The following CELF2 variants were observed in gnomAD, a reference collection of about 807,000 sequenced individuals.
The protein encoded by CELF2 is CUG triplet repeat RNA-binding protein 2.
In CELF2, 8 loss-of-function variants were observed where a neutral mutation model predicts 62.6. The ratio of observed to expected loss-of-function variants is 0.13; its 90% CI spans 0.07 to 0.23. The LOEUF is 0.23. Ranked by LOEUF, CELF2 falls within the 10% of genes least tolerant of loss-of-function variation. CELF2 has a pLI of 1.00. For synonymous variants in CELF2, 258 were observed against 250.0 expected, an observed-to-expected ratio of 1.03 and a Z score of -0.30; for missense variants, 333 against 671.0, an observed-to-expected ratio of 0.50 and a Z score of 5.56.
In CELF2 at chr10:11,053,450, T is replaced by C. The variant is rs547825949; in HGVS notation, c.74+35287T>C. On this transcript the variant is annotated intron_variant, in intron 1 of 12. Coordinates refer to ENST00000633077, the MANE Select transcript of CELF2 (RefSeq NM_001326342.2). ...ACAGTCATAATCAGTTTCAAGTATGTGTTGTGGATGGATTAGGGGGAAATA... is the reference window on the plus strand; with the variant it reads ...ACAGTCATAATCAGTTTCAAGTATGCGTTGTGGATGGATTAGGGGGAAATA... 4.6e-5 allele frequency among the ~76,000 whole-genome samples: 7 copies of C among 152,262 alleles called. No individual in the cohort carries two copies. The East Asian group carries it at 1.4e-3, about 29-fold the overall frequency.
At chr10:11,143,511 C>A (rs770793026) in intron 1 of CELF2, among the ~76,000 whole-genome samples, 1 of 152,186 alleles carries the variant, frequency 6.6e-6, no homozygotes, top group Non-Finnish European at 1.5e-5. Context: ...TTCATGCCTT[C>A]CTGACTTCAT....
the CELF2 span, among the ~76,000 whole-genome samples, chr10:10,791,662 A>G: frequency 6.6e-6 from 1 of 152,186 alleles, no homozygotes; most frequent in East Asian, 1.9e-4. Flanking sequence ...ATAATTCTTT[A>G]AAAGTCTCTG....
rs567895570 is a variant in CELF2 at position 11,227,623 on chromosome 10, C to T, written c.354+10116C>T. Among the ~76,000 whole-genome samples the T allele has an allele frequency of 3.9e-5, 6 of 152,254 alleles. 1 individual carries two copies. The South Asian group carries it at 1.0e-3, about 26-fold the overall frequency. ...GCTGTTATCTGCTGTTAGATTCGGC[C>T]GGAATCTAAGGGATAGAGATGTATC... is the stretch of plus-strand genomic sequence containing the variant. On this transcript the variant is annotated intron_variant, in intron 3 of 12. Transcript: ENST00000633077. The surrounding 1 kb of genome is among the most constrained non-coding windows in gnomAD (Gnocchi z 4.8).
At chr10:11,127,884 A>T (rs951228110) in intron 1 of CELF2, among the ~76,000 whole-genome samples, 1 of 152,156 alleles carries the variant, frequency 6.6e-6, no homozygotes, top group African/African-American at 2.4e-5. Context: ...TCCTTAGTTT[A>T]ATTAGATCCC....
chr10:11,099,970 A>C (rs1002528750), intron 1 of CELF2, among the ~76,000 whole-genome samples: 1 of 151,552 alleles, frequency 6.6e-6, no homozygotes, highest in Non-Finnish European at 1.5e-5. Context: ...GGAGGCTCAG[A>C]TGGGCAGATC....
intron 1 of CELF2, among the ~76,000 whole-genome samples, chr10:11,129,273 G>A (rs563863070): frequency 1.2e-3 from 188 of 152,238 alleles, no homozygotes; most frequent in African/African-American, 4.2e-3. Flanking sequence ...TGCTGGATTC[G>A]GTTTGCCAGT....
intron 2 of CELF2, among the ~76,000 whole-genome samples, chr10:10,964,112 A>T (rs1278527295): frequency 1.3e-5 from 2 of 152,232 alleles, no homozygotes; most frequent in Non-Finnish European, 2.9e-5. Context: ...AGAGCAGAGC[A>T]CTATTAAGAT....
At chr10:10,929,529 C>A (rs538467958) in intron 2 of CELF2, 1 of 152,152 alleles carries the variant, frequency 6.6e-6, no homozygotes, top group African/African-American at 2.4e-5. Context: ...AGCAGCCCAG[C>A]GAAGTGATTC....
chr10:11,142,334 T>G (rs896960668), intron 1 of CELF2, among the ~76,000 whole-genome samples: 1 of 152,100 alleles, frequency 6.6e-6, no homozygotes, highest in Non-Finnish European at 1.5e-5. Flanking sequence ...GGGTAAGAAC[T>G]GAAAGTATCA....
the CELF2 span, among the ~76,000 whole-genome samples, chr10:10,609,139 T>C: frequency 4.6e-5 from 7 of 152,220 alleles, no homozygotes; most frequent in Non-Finnish European, 5.9e-5. Context: ...TCTAGTGTAC[T>C]GTGTCATGCC....
intron 9 of CELF2, among the ~76,000 whole-genome samples, chr10:11,292,177 A>G (rs2092614275): frequency 6.6e-6 from 1 of 152,202 alleles, no homozygotes; most frequent in Non-Finnish European, 1.5e-5. Flanking sequence ...CCCATCTTCA[A>G]GGTATCCCCA....
chr10:10,491,872 A>G, the CELF2 span, among the ~76,000 whole-genome samples: 2 of 152,134 alleles, frequency 1.3e-5, no homozygotes, highest in African/African-American at 2.4e-5. Context: ...TACAAGCCCA[A>G]ATGATCGTCT....
chr10:11,234,036 C>T (rs956655278), intron 3 of CELF2, among the ~76,000 whole-genome samples: 4 of 152,196 alleles, frequency 2.6e-5, no homozygotes, highest in Non-Finnish European at 5.9e-5. Flanking sequence ...CTATACTGTG[C>T]CCCTACCTTT....
chr10:10,641,201 C>T, the CELF2 span, among the ~76,000 whole-genome samples: 9 of 152,196 alleles, frequency 5.9e-5, no homozygotes, highest in South Asian at 6.2e-4. Context: ...GGAATAATTC[C>T]GGTCATGTAC....
intron 1 of CELF2, among the ~76,000 whole-genome samples, chr10:10,860,594 T>G (rs1310757929): frequency 6.6e-6 from 1 of 152,264 alleles, no homozygotes; most frequent in East Asian, 1.9e-4. Context: ...TACTTGGTGC[T>G]GCTAAAAGGA....
chr10:11,068,503 TA>T (rs1389673895), intron 1 of CELF2, among the ~76,000 whole-genome samples: 1 of 152,310 alleles, frequency 6.6e-6, no homozygotes, highest in East Asian at 1.9e-4. Flanking sequence ...TGCTGTTGCA[TA>T]AATTTAATCT....
At chr10:10,800,870 G>T (rs549655319) in intron 1 of CELF2, among the ~76,000 whole-genome samples, 62 of 151,352 alleles carry the variant, frequency 4.1e-4, no homozygotes, top group African/African-American at 1.4e-3. Flanking sequence ...TTTTAAACTG[G>T]ATTACTAACC....
At chr10:11,038,027 C>G (rs1318397132) in intron 1 of CELF2, among the ~76,000 whole-genome samples, 1 of 152,042 alleles carries the variant, frequency 6.6e-6, no homozygotes, top group Non-Finnish European at 1.5e-5. Context: ...TGTAAAAATG[C>G]TCTTTACTCC....
chr10:10,650,961 G>A, the CELF2 span, among the ~76,000 whole-genome samples: 3 of 152,022 alleles, frequency 2.0e-5, no homozygotes. Context: ...CTGAGGTACC[G>A]GGTTCATCTC....
Sources: allele counts gnomAD v4.1 joint callset (sites outside exome capture counted in the v4.1 genomes callset), GRCh38; gene constraint gnomAD v4.1.1; non-coding constraint Gnocchi (gnomAD v3.1); transcripts MANE v1.5; gene names NCBI Gene and HGNC (gene_info 2026-07-23, HGNC 2026-07-21).